Variants in BANP observed in about 807,000 individuals in gnomAD.
BANP encodes the protein BTG3 associated nuclear protein.
In BANP, 11 loss-of-function variants were observed where a neutral mutation model predicts 68.1. The observed-to-expected ratio is 0.16, with a 90% CI of 0.10 to 0.27. The LOEUF (loss-of-function observed/expected upper bound fraction) is 0.27. Ranked by LOEUF, BANP falls within the 10% of genes least tolerant of loss-of-function variation. BANP has a pLI of 1.00. For synonymous variants in BANP, 329 were observed against 303.2 expected, an observed-to-expected ratio of 1.09 and a Z score of -0.88; for missense variants, 504 against 722.7, an observed-to-expected ratio of 0.70 and a Z score of 3.47.
intron 1 of BANP, among the ~76,000 whole-genome samples, chr16:87,967,884 G>A (rs945464852): frequency 6.6e-6 from 1 of 151,892 alleles, no homozygotes; most frequent in African/African-American, 2.4e-5. Flanking sequence ...GCCCCCCAAA[G>A]TGCTGGGATT....
At position 88,031,107 on chromosome 16, in the gene BANP, T is replaced by G. The variant is rs1403300848; in HGVS notation, c.1064-2002T>G. Reference sequence around the variant, plus strand: ...TTGCTCGAGGACCTGTGGTGGTGAGTGCTCCGTAACTGCTCAGGCAGACAG... The same window carrying G: ...TTGCTCGAGGACCTGTGGTGGTGAGGGCTCCGTAACTGCTCAGGCAGACAG... On this transcript the variant is annotated intron_variant, in intron 8 of 13. Transcript: ENST00000682872. Among the ~76,000 whole-genome samples the G allele has an allele frequency of 3.3e-5, 5 of 152,262 alleles. No homozygotes were observed. In the East Asian group the frequency reaches 9.7e-4, roughly 29 times the overall value.
chr16:88,000,001 C>T (rs372981445), intron 4 of BANP, among the ~76,000 whole-genome samples: 6 of 71,882 alleles, frequency 8.3e-5, no homozygotes, highest in Middle Eastern at 0.021. Context: ...CTTGCCTGTC[C>T]TTCCAGACAC....
chr16:87,960,922 G>C (rs781163066), intron 1 of BANP, among the ~76,000 whole-genome samples: 3 of 152,210 alleles, frequency 2.0e-5, no homozygotes, highest in Non-Finnish European at 2.9e-5. Context: ...TTGGAGTTTT[G>C]GAAAGTTTGT....
At position 88,033,234 on chromosome 16, in the gene BANP, C is replaced by G. The variant is rs757193192; in HGVS notation, c.1189C>G (p.Gln397Glu). The change falls in exon 9 of 14, where the codon CAG (glutamine) becomes GAG (glutamate). Residue 397 changes from glutamine to glutamate, a missense_variant. Physicochemically the swap from Gln to Glu is conservative, Grantham distance 29. Transcript: ENST00000682872. ...GATCCACCAGATCGGAGAAGACGGA[C>G]AGGTGCAAGTAGTACGTACCCTCTC... Reference protein sequence around the residue: ...VQIHQIGEDGQVQVIPQGHLH... With the variant: ...VQIHQIGEDGEVQVIPQGHLH... 8 of 1,603,478 alleles carry G rather than the reference C, an allele frequency of 5.0e-6. No individual in the cohort carries two copies. In the Admixed American group the frequency reaches 5.0e-5, roughly 10 times the overall value.
chr16:87,969,781 C>A (rs185935068), intron 1 of BANP, among the ~76,000 whole-genome samples: 1 of 152,158 alleles, frequency 6.6e-6, no homozygotes, highest in Non-Finnish European at 1.5e-5. Context: ...ATCCACCCAC[C>A]TTAGCCTCCC....
rs141920044 is a variant in BANP, at chr16:87,998,583, C to T, written c.363-5712C>T. Among the ~76,000 whole-genome samples the T allele has an allele frequency of 6.3e-3, 336 of 53,016 alleles. 1 individual carries two copies. Among genetic ancestry groups the T allele is most frequent in the Middle Eastern group, 0.033 (3 of 92 alleles). The allele number at this position is 53,016 out of a possible 152,430, so 34.8% of individuals were successfully genotyped here. ...ATGCACGCACGTGCGCGGCTGGACT[C>T]ACCTGTCCTTCCAGACACGTCTCCA... is the stretch of plus-strand genomic sequence containing the variant. On this transcript the variant is annotated intron_variant, in intron 4 of 13. Coordinates refer to ENST00000682872, the MANE Select transcript of BANP (RefSeq NM_001386991.1).
chr16:88,028,306 G>A (rs1718344892), intron 8 of BANP, among the ~76,000 whole-genome samples: 2 of 152,248 alleles, frequency 1.3e-5, no homozygotes, highest in Non-Finnish European at 2.9e-5. Context: ...CAGGATGCGA[G>A]GGCAGCCGTG....
At chr16:88,012,527 A>C (rs943910008) in intron 6 of BANP, among the ~76,000 whole-genome samples, 1 of 152,116 alleles carries the variant, frequency 6.6e-6, no homozygotes, top group African/African-American at 2.4e-5. Flanking sequence ...CTCGCAAAGG[A>C]TGGCCTTCTG....
intron 1 of BANP, among the ~76,000 whole-genome samples, chr16:87,969,651 G>C (rs1212063412): frequency 6.6e-6 from 1 of 151,108 alleles, no homozygotes; most frequent in Non-Finnish European, 1.5e-5. Flanking sequence ...TCCTGCCTCA[G>C]CCTCCTCAGT....
chr16:87,985,246 A>G (rs923905356), intron 4 of BANP, among the ~76,000 whole-genome samples: 3 of 152,204 alleles, frequency 2.0e-5, no homozygotes, highest in African/African-American at 7.2e-5. Flanking sequence ...ACTCTCGGGC[A>G]TGCCGGGGCT....
At chr16:87,999,213 T>C (rs2068333051) in intron 4 of BANP, among the ~76,000 whole-genome samples, 2 of 126,144 alleles carry the variant, frequency 1.6e-5, no homozygotes, top group African/African-American at 3.1e-5. Context: ...TACCAGGCCT[T>C]CCAGACACGT....
At chr16:88,070,473 G>A (rs2090022825) in intron 12 of BANP, among the ~76,000 whole-genome samples, 1 of 152,224 alleles carries the variant, frequency 6.6e-6, no homozygotes. Flanking sequence ...CGAGGCAGAA[G>A]GTCGACCGCT....
intron 11 of BANP, among the ~76,000 whole-genome samples, chr16:88,041,625 T>A (rs897613080): frequency 6.6e-6 from 1 of 152,200 alleles, no homozygotes; most frequent in Non-Finnish European, 1.5e-5. Flanking sequence ...CTGTCTGCTC[T>A]GATACTGAGG....
intron 7 of BANP, among the ~76,000 whole-genome samples, chr16:88,025,821 A>G (rs1315048661): frequency 6.6e-6 from 1 of 152,260 alleles, no homozygotes; most frequent in Non-Finnish European, 1.5e-5. Context: ...GGCTCTTGGT[A>G]GTTGAAACGG....
intron 4 of BANP, among the ~76,000 whole-genome samples, chr16:87,996,859 TTAAA>T (rs1423475104): frequency 3.9e-5 from 6 of 152,364 alleles, no homozygotes; most frequent in African/African-American, 1.4e-4. Flanking sequence ...TGAAAACAGT[TTAAA>T]TACTTCATTT....
At chr16:88,021,356 T>C (rs1301393602) in intron 7 of BANP, among the ~76,000 whole-genome samples, 1 of 152,186 alleles carries the variant, frequency 6.6e-6, no homozygotes, top group Non-Finnish European at 1.5e-5. Flanking sequence ...TTGCTCACAG[T>C]GCCCGGCCCC....
In BANP at chr16:88,071,260, G is replaced by A. The variant is rs909045161; in HGVS notation, c.1378-809G>A. 2.8e-6 allele frequency: 1 copy of A among 358,990 alleles called. No individual in the cohort carries two copies. The highest frequency in any genetic ancestry group is 3.8e-5 in the Admixed American group (1 of 26,312). The allele number at this position is 358,990 out of a possible 1,614,324, so 22.2% of individuals were successfully genotyped here. A position where few individuals can be genotyped will look rare whatever the true frequency, so the allele number is the denominator to read the frequency against. The stretch of plus-strand genomic sequence containing the variant: ...TGCAACCCCAAGTGAAGACCCCGTG[G>A]CTCATGTCAAGTGCCCTCAGGGCTG... On this transcript the variant is annotated intron_variant, in intron 12 of 13. Coordinates refer to ENST00000682872, the MANE Select transcript of BANP (RefSeq NM_001386991.1). This position sits in a 1 kb window ranked among gnomAD's most constrained non-coding sequence, Gnocchi z 6.5.
At chr16:87,989,006 C>T (rs2065194076) in intron 4 of BANP, among the ~76,000 whole-genome samples, 1 of 152,200 alleles carries the variant, frequency 6.6e-6, no homozygotes, top group Non-Finnish European at 1.5e-5. Flanking sequence ...CTCTGGAACA[C>T]AAGAAGGCAG....
chr16:88,071,734 G>T lies in BANP; in HGVS notation c.1378-335G>T. 1.8e-6 allele frequency: 1 copy of T among 549,776 alleles called. No individual in the cohort carries two copies. The highest frequency in any genetic ancestry group is 4.3e-5 in the East Asian group (1 of 23,504). The allele number at this position is 549,776 out of a possible 1,614,324, so 34.1% of individuals were successfully genotyped here. A position where few individuals can be genotyped will look rare whatever the true frequency, so the allele number is the denominator to read the frequency against. ...TCATGGTTGCCACTGGGATTTTCCA[G>T]GAGGCTCTGTGGCATTTGCTGTTGC... On this transcript the variant is annotated intron_variant, in intron 12 of 13. Transcript: ENST00000682872. The surrounding 1 kb of genome is among the most constrained non-coding windows in gnomAD (Gnocchi z 6.5).
Sources: allele counts gnomAD v4.1 joint callset (sites outside exome capture counted in the v4.1 genomes callset), GRCh38; gene constraint gnomAD v4.1.1; non-coding constraint Gnocchi (gnomAD v3.1); transcripts MANE v1.5; gene names NCBI Gene and HGNC (gene_info 2026-07-23, HGNC 2026-07-21).